LRRC72: variants seen among roughly 807,000 people sequenced by gnomAD.
LRRC72 encodes leucine-rich repeat-containing protein 72.
A neutral mutation model predicts 35.8 loss-of-function variants in LRRC72; 41 were observed. The observed-to-expected ratio is 1.15, with a 90% CI of 0.89 to 1.49. The LOEUF is 1.49. LRRC72 is among the 40% of genes most tolerant of loss of function. The pLI, the probability that LRRC72 is intolerant of heterozygous loss-of-function variation, is 0.00. For missense variants in LRRC72, 389 were observed against 330.7 expected (o/e 1.18, Z -1.37); for synonymous variants, 118 against 119.2 (o/e 0.99, Z 0.07).
rs549435572 is a variant in LRRC72, at chr7:16,563,300, C to G, written c.428-3013C>G. 9.2e-5 allele frequency among the ~76,000 whole-genome samples: 14 copies of G among 151,636 alleles called. No individual in the cohort carries two copies. In the South Asian group the frequency reaches 2.5e-3, roughly 27 times the overall value. On this transcript the variant is annotated intron_variant, in intron 5 of 8. Transcript: ENST00000401542. ...GGCTTTTTTTTTTCCTCTTCTGTCTCGATAATAAGTAGCTTCATACACGTG... is the reference window on the plus strand; with the variant it reads ...GGCTTTTTTTTTTCCTCTTCTGTCTGGATAATAAGTAGCTTCATACACGTG...
intron 8 of LRRC72, 73 bp from the exon 9 acceptor site, chr7:16,581,251 A>G (rs1783136373): frequency 7.6e-7 from 1 of 1,309,616 alleles, no homozygotes; most frequent in African/African-American, 1.5e-5. Flanking sequence ...ATTCATTTGA[A>G]TAAAAATTTC....
intron 7 of LRRC72, among the ~76,000 whole-genome samples, chr7:16,574,585 G>A (rs2128339106): frequency 6.6e-6 from 1 of 152,144 alleles, no homozygotes; most frequent in African/African-American, 2.4e-5. Flanking sequence ...ACTCATAAGT[G>A]GGAGTTGAAC....
At chr7:16,550,482 T>C (rs1382985172) in intron 3 of LRRC72, among the ~76,000 whole-genome samples, 1 of 152,192 alleles carries the variant, frequency 6.6e-6, no homozygotes, top group Non-Finnish European at 1.5e-5. Flanking sequence ...TTACTCCTTT[T>C]CTTTATGTTG....
chr7:16,572,476 T>C (rs1424922040), intron 7 of LRRC72, among the ~76,000 whole-genome samples: 3 of 152,166 alleles, frequency 2.0e-5, no homozygotes, highest in African/African-American at 7.2e-5. Context: ...AGCTTCATCC[T>C]TGGGATGCAA....
At chr7:16,548,261 T>C (rs1453101909) in intron 3 of LRRC72, among the ~76,000 whole-genome samples, 3 of 152,160 alleles carry the variant, frequency 2.0e-5, no homozygotes, top group Non-Finnish European at 4.4e-5. Context: ...TCATTCTTCC[T>C]GGATGTAGGA....
intron 7 of LRRC72, among the ~76,000 whole-genome samples, chr7:16,576,241 G>T (rs494136): frequency 6.6e-6 from 1 of 151,826 alleles, no homozygotes; most frequent in Non-Finnish European, 1.5e-5. Flanking sequence ...CTAATAAAAC[G>T]CGCTATGTAA....
At chr7:16,547,387 C>A (rs1782466431) in intron 3 of LRRC72, among the ~76,000 whole-genome samples, 1 of 152,098 alleles carries the variant, frequency 6.6e-6, no homozygotes, top group African/African-American at 2.4e-5. Flanking sequence ...AGGAGCTCCC[C>A]AGGCACAACT....
At chr7:16,576,215 A>C (rs1783037176) in intron 7 of LRRC72, among the ~76,000 whole-genome samples, 1 of 152,234 alleles carries the variant, frequency 6.6e-6, no homozygotes, top group Non-Finnish European at 1.5e-5. Context: ...TAATTAAGCA[A>C]ACATTTGTAA....
At chr7:16,568,005 G>C (rs1583651097) in intron 7 of LRRC72, among the ~76,000 whole-genome samples, 2 of 151,906 alleles carry the variant, frequency 1.3e-5, no homozygotes, top group African/African-American at 4.8e-5. Context: ...TCACATACAG[G>C]GTCATTATAT....
chr7:16,544,788 A>G (rs557962974), intron 3 of LRRC72, among the ~76,000 whole-genome samples: 114 of 152,308 alleles, frequency 7.5e-4, no homozygotes, highest in African/African-American at 2.5e-3. Flanking sequence ...AGCTTGGTAT[A>G]TTACATTTTG....
intron 3 of LRRC72, among the ~76,000 whole-genome samples, chr7:16,539,978 C>G (rs1401518295): frequency 6.6e-6 from 1 of 152,220 alleles, no homozygotes; most frequent in Admixed American, 6.5e-5. Flanking sequence ...TTGGAGCCCC[C>G]ACACAGAGTC....
chr7:16,556,787 C>T (rs1257519806), intron 3 of LRRC72, among the ~76,000 whole-genome samples: 5 of 152,214 alleles, frequency 3.3e-5, no homozygotes, highest in East Asian at 1.9e-4. Context: ...TTGGTTTCAA[C>T]AGATTTCTGC....
chr7:16,565,110 T>C (rs1412713022), intron 5 of LRRC72, among the ~76,000 whole-genome samples: 1 of 152,192 alleles, frequency 6.6e-6, no homozygotes. Context: ...TTCAGAAGAA[T>C]TTCCTAGAAA....
At chr7:16,563,081 C>G (rs929512529) in intron 5 of LRRC72, among the ~76,000 whole-genome samples, 2 of 152,140 alleles carry the variant, frequency 1.3e-5, no homozygotes, top group Non-Finnish European at 2.9e-5. Flanking sequence ...TTCCACAGGC[C>G]GTTCTCTATA....
chr7:16,549,472 G>T (rs2128336308), intron 3 of LRRC72, among the ~76,000 whole-genome samples: 1 of 152,270 alleles, frequency 6.6e-6, no homozygotes, highest in Non-Finnish European at 1.5e-5. Context: ...ATCAACAATA[G>T]AAGCAGTGGC....
In LRRC72 at chr7:16,526,899, A is replaced by G. The variant is rs1367468503; in HGVS notation, c.-54A>G. ...CCAAGCCAAGTCTCTCTTCGGTGCC[A>G]CCGGCGGGCGAGGCCGGATTAATCA... is the stretch of plus-strand genomic sequence containing the variant. On this transcript the variant is annotated 5_prime_UTR_variant, in exon 1 of 9. Transcript: ENST00000401542. 7.1e-7 allele frequency: 1 copy of G among 1,417,682 alleles called. No homozygotes were observed. The highest frequency in any genetic ancestry group is 9.6e-7 in the Non-Finnish European group (1 of 1,039,754). The allele number at this position is 1,417,682 out of a possible 1,614,324, so 87.8% of individuals were successfully genotyped here. A position where few individuals can be genotyped will look rare whatever the true frequency, so the allele number is the denominator to read the frequency against.
chr7:16,562,544 C>T (rs1443119529), intron 5 of LRRC72, among the ~76,000 whole-genome samples: 1 of 152,236 alleles, frequency 6.6e-6, no homozygotes, highest in East Asian at 1.9e-4. Context: ...TTCCAGGAAT[C>T]AGCCTTGGGA....
At chr7:16,535,172 G>A (rs1005694332) in intron 2 of LRRC72, among the ~76,000 whole-genome samples, 1 of 152,064 alleles carries the variant, frequency 6.6e-6, no homozygotes, top group Non-Finnish European at 1.5e-5. Flanking sequence ...CTGGGCAACA[G>A]AGCCAAACCC....
rs776920781 is a variant in LRRC72, at chr7:16,581,506, ATATCT to A, written c.*20_*24del. ...CTGAGATAAGCCCTGGTATTTCTAGATATCTTAGTGGTTTTCAGTTGTATATTAAA... is the reference window on the plus strand; with the variant it reads ...CTGAGATAAGCCCTGGTATTTCTAGATAGTGGTTTTCAGTTGTATATTAAA... On this transcript the variant is annotated 3_prime_UTR_variant, in exon 9 of 9. Transcript: ENST00000401542. The A allele has an allele frequency of 2.5e-5, 38 of 1,519,608 alleles. No homozygotes were observed. The African/African-American group carries it at 5.1e-4, about 20-fold the overall frequency. 94.1% of individuals were successfully genotyped at this position (1,519,608 alleles called of 1,614,324 possible).
Sources: gnomAD v4.1 joint callset for allele counts (sites outside exome capture counted in the v4.1 genomes callset) on GRCh38, gnomAD v4.1.1 for gene constraint, MANE v1.5 for transcripts, NCBI Gene and HGNC (gene_info 2026-07-23, HGNC 2026-07-21) for gene names.